ZNF385B: variants seen among roughly 807,000 people sequenced by gnomAD.
ZNF385B encodes zinc finger protein 533.
ZNF385B carries 23 observed loss-of-function variants against 39.2 expected under a neutral mutation model. The ratio of observed to expected loss-of-function variants is 0.59; its 90% confidence interval spans 0.42 to 0.83. The LOEUF is 0.83. ZNF385B is among the 40% of genes least tolerant of loss of function. The pLI is 0.00. For missense variants in ZNF385B, 552 were observed against 598.9 expected (o/e 0.92, Z 0.82); for synonymous variants, 205 against 222.6 (o/e 0.92, Z 0.70).
At chr2:179,557,971 A>G (rs1013298783) in intron 3 of ZNF385B, among the ~76,000 whole-genome samples, 1 of 152,192 alleles carries the variant, frequency 6.6e-6, no homozygotes, top group Non-Finnish European at 1.5e-5. Context: ...GCTCATTACA[A>G]CTATGCTTTA....
At chr2:179,650,188 A>G (rs1437700168) in intron 3 of ZNF385B, among the ~76,000 whole-genome samples, 2 of 152,254 alleles carry the variant, frequency 1.3e-5, no homozygotes, top group Admixed American at 6.5e-5. Context: ...TGTAGACTAC[A>G]CTCAAAACAG....
rs182180070 is a variant in ZNF385B at position 179,781,873 on chromosome 2, T to C, written c.-154-11201A>G. On this transcript the variant is annotated intron_variant, in intron 1 of 9. Transcript: ENST00000410066. ...AACAACAATAAAGCCCAGGACCTGA[T>C]GGATTCACAGCCAAATTCTACCAGA... is the stretch of plus-strand genomic sequence containing the variant. Among the ~76,000 whole-genome samples the C allele has an allele frequency of 4.2e-4, 64 of 152,230 alleles. 1 individual carries two copies. Among genetic ancestry groups the C allele is most frequent in the Admixed American group, 1.5e-3 (23 of 15,278 alleles).
Position 179,445,839 on chromosome 2 carries a change from T to A in ZNF385B, c.962-111A>T, listed in dbSNP as rs1010353418. 1.8e-4 allele frequency: 186 copies of A among 1,061,962 alleles called. 1 individual carries two copies. The South Asian group carries it at 2.1e-3, about 12-fold the overall frequency. 65.8% of individuals were successfully genotyped at this position (1,061,962 alleles called of 1,614,324 possible). A position where few individuals can be genotyped will look rare whatever the true frequency, so the allele number is the denominator to read the frequency against. ...CAGGCTAAAATTCCCAATGCTTTTT[T>A]AAAAATGATCACTTTAATGCTGATT... On this transcript the variant is annotated intron_variant, in intron 7 of 9. Coordinates refer to ENST00000410066, the MANE Select transcript of ZNF385B (RefSeq NM_152520.6).
At chr2:179,661,239 A>C (rs1427587096) in intron 3 of ZNF385B, among the ~76,000 whole-genome samples, 1 of 152,230 alleles carries the variant, frequency 6.6e-6, no homozygotes, top group Non-Finnish European at 1.5e-5. Context: ...AGCAAAGGGA[A>C]CAAAGAAAGA....
chr2:179,485,253 T>A (rs2054444087), intron 5 of ZNF385B, among the ~76,000 whole-genome samples: 1 of 152,202 alleles, frequency 6.6e-6, no homozygotes, highest in African/African-American at 2.4e-5. Flanking sequence ...TATCATTGAT[T>A]GCTTGAAGCC....
At chr2:179,845,446 C>A (rs1332278403) in intron 1 of ZNF385B, among the ~76,000 whole-genome samples, 1 of 152,150 alleles carries the variant, frequency 6.6e-6, no homozygotes, top group Non-Finnish European at 1.5e-5. Context: ...GGGTACTCTG[C>A]CAGTACAAAA....
chr2:179,541,046 A>G (rs1208930680), intron 4 of ZNF385B, among the ~76,000 whole-genome samples: 1 of 152,196 alleles, frequency 6.6e-6, no homozygotes, highest in Non-Finnish European at 1.5e-5. Flanking sequence ...AAATGACTCA[A>G]AACTGTGTCT....
chr2:179,745,295 ATCTG>A (rs753882706), intron 3 of ZNF385B, among the ~76,000 whole-genome samples: 4 of 152,076 alleles, frequency 2.6e-5, no homozygotes, highest in Non-Finnish European at 5.9e-5. Context: ...GTCTCCTCCT[ATCTG>A]TCTTTCATGT....
intron 3 of ZNF385B, among the ~76,000 whole-genome samples, chr2:179,725,902 TTGTG>T (rs769169818): frequency 7.2e-6 from 1 of 138,440 alleles, no homozygotes; most frequent in Non-Finnish European, 1.6e-5. Context: ...ATATATGTGT[TTGTG>T]TGTGTATATA....
rs1162072299 is a variant in ZNF385B at position 179,586,820 on chromosome 2, C to T, written c.299-41851G>A. 3.3e-5 allele frequency among the ~76,000 whole-genome samples: 5 copies of T among 152,112 alleles called. No individual in the cohort carries two copies. In the East Asian group the frequency reaches 5.8e-4, roughly 18 times the overall value. On this transcript the variant is annotated intron_variant, in intron 3 of 9. Coordinates refer to ENST00000410066, the MANE Select transcript of ZNF385B (RefSeq NM_152520.6). ...CTGGGAGGCCGAGGCGGGCGGATCA[C>T]GAGGTCAGGAGTTCGAGACCAGCCT...
intron 1 of ZNF385B, among the ~76,000 whole-genome samples, chr2:179,851,631 C>T (rs1297822593): frequency 6.6e-6 from 1 of 152,204 alleles, no homozygotes; most frequent in African/African-American, 2.4e-5. Flanking sequence ...TGATAGAACA[C>T]TATTGCTGGA....
intron 4 of ZNF385B, among the ~76,000 whole-genome samples, chr2:179,528,840 T>C (rs566010064): frequency 6.6e-6 from 1 of 152,334 alleles, no homozygotes; most frequent in South Asian, 2.1e-4. Flanking sequence ...AATGTTCCAT[T>C]TTCCTGGCTA....
At chr2:179,734,943 G>C (rs2106436930) in intron 3 of ZNF385B, among the ~76,000 whole-genome samples, 1 of 152,062 alleles carries the variant, frequency 6.6e-6, no homozygotes, top group East Asian at 1.9e-4. Context: ...AGAAAACCTA[G>C]GCATTACCAT....
intron 1 of ZNF385B, among the ~76,000 whole-genome samples, chr2:179,836,820 G>C (rs1470267691): frequency 6.6e-6 from 1 of 152,182 alleles, no homozygotes; most frequent in Non-Finnish European, 1.5e-5. Context: ...GCACGGCCTT[G>C]TGTTTTCTAA....
chr2:179,497,078 GAAAC>G (rs2056296138), intron 5 of ZNF385B, among the ~76,000 whole-genome samples: 1 of 152,056 alleles, frequency 6.6e-6, no homozygotes, highest in South Asian at 2.1e-4. Flanking sequence ...AACAAACAGA[GAAAC>G]AAAGACTTTC....
intron 1 of ZNF385B, among the ~76,000 whole-genome samples, chr2:179,810,902 G>A (rs1241541973): frequency 6.6e-6 from 1 of 152,018 alleles, no homozygotes; most frequent in East Asian, 1.9e-4. Flanking sequence ...TTTATACCTA[G>A]AAAACCCTGC....
intron 3 of ZNF385B, among the ~76,000 whole-genome samples, chr2:179,698,225 C>T (rs537094319): frequency 6.0e-5 from 9 of 150,836 alleles, no homozygotes; most frequent in African/African-American, 2.2e-4. Context: ...TTTACATATA[C>T]AAAAGATAGT....
chr2:179,650,887 A>C (rs1693135690), intron 3 of ZNF385B, among the ~76,000 whole-genome samples: 1 of 152,166 alleles, frequency 6.6e-6, no homozygotes, highest in African/African-American at 2.4e-5. Flanking sequence ...GACGCATTAA[A>C]TCCACTAGAC....
At position 179,793,584 on chromosome 2, in the gene ZNF385B, G is replaced by A. The variant is rs187946253; in HGVS notation, c.-154-22912C>T. ...TCTCTTGCCCGCCATCATGTAAGAC[G>A]TGCCTGCTTTCACTTCCATCATGAT... On this transcript the variant is annotated intron_variant, in intron 1 of 9. Transcript: ENST00000410066. 2.0e-4 allele frequency among the ~76,000 whole-genome samples: 31 copies of A among 152,246 alleles called. No homozygotes were observed. In the East Asian group the frequency reaches 3.9e-3, roughly 19 times the overall value.
Sources: allele counts gnomAD v4.1 joint callset (sites outside exome capture counted in the v4.1 genomes callset), GRCh38; gene constraint gnomAD v4.1.1; transcripts MANE v1.5; gene names NCBI Gene and HGNC (gene_info 2026-07-23, HGNC 2026-07-21).